The following PCF11 variants were observed in gnomAD, a reference collection of about 807,000 sequenced individuals.
PCF11 encodes the protein PCF11 cleavage and polyadenylation factor subunit, also known as pre-mRNA cleavage complex 2 protein Pcf11.
Under a neutral mutation model 166.1 loss-of-function variants are expected in PCF11, and 19 were observed. That is an observed-to-expected ratio of 0.11 (90% CI 0.08 to 0.17). The LOEUF (loss-of-function observed/expected upper bound fraction) is 0.17. Among genes scored for constraint, PCF11 ranks in the 10% least tolerant of loss-of-function variants. PCF11 has a pLI of 1.00. For missense variants in PCF11, 1,565 were observed against 1,855.5 expected (o/e 0.84, Z 2.88); for synonymous variants, 663 against 644.1 (o/e 1.03, Z -0.44).
chr11:83,174,947 AAC>A (rs1860822692), intron 9 of PCF11, among the ~76,000 whole-genome samples: 1 of 152,214 alleles, frequency 6.6e-6, no homozygotes, highest in Non-Finnish European at 1.5e-5. Flanking sequence ...ATTTAGTTTG[AAC>A]AGACATTAAT....
chr11:83,166,486 A>G, exon 5 of PCF11: 1 of 1,614,002 alleles, frequency 6.2e-7, no homozygotes, highest in Non-Finnish European at 8.5e-7. Context: ...AAGCAGTCAC[A>G]TATGGAAGAG....
exon 2 of PCF11, chr11:83,161,377 G>A: frequency 6.2e-7 from 1 of 1,604,568 alleles, no homozygotes; most frequent in Non-Finnish European, 8.5e-7. Context: ...ATTCTATTGT[G>A]AAAAACGTTG....
intron 7 of PCF11, among the ~76,000 whole-genome samples, chr11:83,168,147 A>G (rs1860538911): frequency 6.6e-6 from 1 of 152,240 alleles, no homozygotes; most frequent in Non-Finnish European, 1.5e-5. Flanking sequence ...CAACAATACA[A>G]TGAAGTGTAT....
intron 14 of PCF11, among the ~76,000 whole-genome samples, chr11:83,182,803 C>G (rs1861128558): frequency 6.6e-6 from 1 of 152,144 alleles, no homozygotes; most frequent in Non-Finnish European, 1.5e-5. Context: ...CATCATCAAA[C>G]TATACTGTGC....
intron 3 of PCF11, 111 bp downstream of exon 3, chr11:83,163,978 T>C: frequency 1.7e-6 from 1 of 594,564 alleles, no homozygotes; most frequent in Non-Finnish European, 2.8e-6. Flanking sequence ...AGTGAATTGG[T>C]TCAATTTGAA....
intron 2 of PCF11, among the ~76,000 whole-genome samples, chr11:83,163,367 G>T (rs1382086950): frequency 6.6e-6 from 1 of 151,870 alleles, no homozygotes; most frequent in East Asian, 1.9e-4. Context: ...TTTTCTAGTT[G>T]TCTTACATTT....
intron 1 of PCF11, chr11:83,158,092 G>A (rs1860066727): frequency 6.4e-6 from 1 of 156,532 alleles, no homozygotes; most frequent in Non-Finnish European, 1.4e-5. Context: ...GGAGCGAGCT[G>A]TTGGTGGGTG....
exon 16 of PCF11, chr11:83,187,036 T>G (rs556760054): frequency 1.3e-5 from 2 of 152,438 alleles, no homozygotes; most frequent in African/African-American, 4.8e-5. Context: ...GGAAAATTTT[T>G]TTTTTTCTTT....
chr11:83,167,082 T>A lies in PCF11; in HGVS notation c.1818-43T>A. 5.4e-6 allele frequency: 8 copies of A among 1,488,038 alleles called. No individual in the cohort carries two copies. Among genetic ancestry groups the A allele is most frequent in the Non-Finnish European group, 7.3e-6 (8 of 1,089,724 alleles). The allele number at this position is 1,488,038 out of a possible 1,614,324, so 92.2% of individuals were successfully genotyped here. On this transcript the variant is annotated intron_variant, in intron 5 of 15. Coordinates refer to ENST00000298281, the Ensembl canonical transcript of PCF11. The surrounding 1 kb of genome is among the most constrained non-coding windows in gnomAD (Gnocchi z 4.2). ...TTTAAATATGGTCCTGAGTATTTTT[T>A]AAAAAAACATTTCAATGTAACATAC...
In PCF11 at chr11:83,167,018, TA is replaced by T; in HGVS notation, c.1818-106del. On this transcript the variant is annotated intron_variant, in intron 5 of 15. Coordinates refer to ENST00000298281, the Ensembl canonical transcript of PCF11. The surrounding 1 kb of genome is among the most constrained non-coding windows in gnomAD (Gnocchi z 4.2). ...CATTTATTTAATTACTTTTTGTGGT[TA>T]CATATGCCCATTTTAACCATATCCT... 4 of 866,682 alleles carry T rather than the reference TA, an allele frequency of 4.6e-6. No homozygotes were observed. In the East Asian group the frequency reaches 9.8e-5, roughly 21 times the overall value. The allele number at this position is 866,682 out of a possible 1,614,324, so 53.7% of individuals were successfully genotyped here.
chr11:83,185,050 A>G lies in PCF11; in HGVS notation c.*156A>G, dbSNP rs954684372. ...ATTTGGTTAATAAATACATTTTAGT[A>G]TTTGCATTTCCTACTGCCTGCAGAG... On this transcript the variant is annotated 3_prime_UTR_variant, in exon 16 of 16. Coordinates refer to ENST00000298281, the Ensembl canonical transcript of PCF11. 3 of 533,022 alleles carry G rather than the reference A, an allele frequency of 5.6e-6. No homozygotes were observed. In the African/African-American group the frequency reaches 6.0e-5, roughly 11 times the overall value. The allele number at this position is 533,022 out of a possible 1,614,324, so 33.0% of individuals were successfully genotyped here.
chr11:83,175,517 C>CT (rs1345032688), intron 9 of PCF11, among the ~76,000 whole-genome samples: 1 of 152,128 alleles, frequency 6.6e-6, no homozygotes, highest in East Asian at 1.9e-4. Context: ...TTTTGGGAGG[C>CT]TAAGGCAGGC....
At chr11:83,176,856 G>A (rs1017653666) in intron 9 of PCF11, among the ~76,000 whole-genome samples, 12 of 151,400 alleles carry the variant, frequency 7.9e-5, no homozygotes, top group Non-Finnish European at 1.8e-4. Context: ...AAAAAAAAAA[G>A]AAGGAAAAAA....
exon 8 of PCF11, chr11:83,168,788 C>A: frequency 6.2e-7 from 1 of 1,613,440 alleles, no homozygotes; most frequent in Non-Finnish European, 8.5e-7. Context: ...GGTGGGTGTC[C>A]TTTGAGATTT....
intron 8 of PCF11, among the ~76,000 whole-genome samples, chr11:83,170,959 T>C (rs1860668564): frequency 6.6e-6 from 1 of 152,224 alleles, no homozygotes; most frequent in Non-Finnish European, 1.5e-5. Context: ...GATACTCTTA[T>C]TGACAGATAC....
intron 1 of PCF11, among the ~76,000 whole-genome samples, chr11:83,160,125 C>T (rs769297696): frequency 1.3e-5 from 2 of 152,080 alleles, no homozygotes; most frequent in African/African-American, 2.4e-5. Context: ...TTCCCTTAGC[C>T]AACTTTTGGT....
chr11:83,160,999 A>C (rs1270266690), intron 1 of PCF11, among the ~76,000 whole-genome samples: 1 of 152,156 alleles, frequency 6.6e-6, no homozygotes, highest in African/African-American at 2.4e-5. Flanking sequence ...GGATTATATA[A>C]AGTAATTTTC....
intron 2 of PCF11, among the ~76,000 whole-genome samples, chr11:83,162,240 C>T (rs1158434033): frequency 6.6e-6 from 1 of 152,116 alleles, no homozygotes; most frequent in Non-Finnish European, 1.5e-5. Context: ...TGTTTCCTAA[C>T]GTCAATATTT....
intron 1 of PCF11, among the ~76,000 whole-genome samples, chr11:83,160,760 G>A (rs561863779): frequency 5.6e-4 from 86 of 152,234 alleles, no homozygotes; most frequent in African/African-American, 1.9e-3. Flanking sequence ...CTGCATGTTC[G>A]TGTGCAAGTT....
Sources: allele counts gnomAD v4.1 joint callset (sites outside exome capture counted in the v4.1 genomes callset), GRCh38; gene constraint gnomAD v4.1.1; non-coding constraint Gnocchi (gnomAD v3.1); transcripts MANE v1.5; gene names NCBI Gene and HGNC (gene_info 2026-07-23, HGNC 2026-07-21).